Variants in TSNARE1 observed in about 807,000 individuals in gnomAD.
TSNARE1 encodes t-SNARE domain containing 1, also known as t-SNARE domain-containing protein 1.
TSNARE1 carries 49 observed loss-of-function variants against 62.0 expected under a neutral mutation model. That is an observed-to-expected ratio of 0.79 (90% CI 0.63 to 1.00). The LOEUF is 1.00. Ranked by LOEUF, TSNARE1 falls within the 50% of genes least tolerant of loss-of-function variation. The pLI, the probability that TSNARE1 is intolerant of heterozygous loss-of-function variation, is 0.00. For missense variants in TSNARE1, 755 were observed against 700.1 expected (o/e 1.08, Z -0.88); for synonymous variants, 328 against 294.4 (o/e 1.11, Z -1.17).
chr8:142,389,741 A>G (rs1319864598), intron 1 of TSNARE1, among the ~76,000 whole-genome samples: 1 of 152,272 alleles, frequency 6.6e-6, no homozygotes, highest in Non-Finnish European at 1.5e-5. Flanking sequence ...GGAATGTGTC[A>G]TATCATGACT....
At chr8:142,361,981 A>G (rs1835200275) in intron 1 of TSNARE1, among the ~76,000 whole-genome samples, 1 of 152,206 alleles carries the variant, frequency 6.6e-6, no homozygotes, top group Non-Finnish European at 1.5e-5. Flanking sequence ...TGAAACTGCA[A>G]AGTTCAAGAG....
intron 12 of TSNARE1, among the ~76,000 whole-genome samples, chr8:142,252,244 C>T (rs996914791): frequency 2.0e-5 from 3 of 152,188 alleles, no homozygotes; most frequent in African/African-American, 7.2e-5. Context: ...GGTAAACAGA[C>T]GGCTGCTTCA....
intron 1 of TSNARE1, among the ~76,000 whole-genome samples, chr8:142,396,091 A>T (rs1837876328): frequency 6.6e-6 from 1 of 152,018 alleles, no homozygotes; most frequent in South Asian, 2.1e-4. Context: ...CCATGCCCTC[A>T]GAACACTGGC....
chr8:142,380,564 C>T (rs569322036), intron 1 of TSNARE1, among the ~76,000 whole-genome samples: 2 of 151,786 alleles, frequency 1.3e-5, no homozygotes, highest in Admixed American at 6.6e-5. Context: ...CTCACAGCAG[C>T]CCCTCCATGG....
At chr8:142,382,046 C>T (rs1836795664) in intron 1 of TSNARE1, among the ~76,000 whole-genome samples, 1 of 152,168 alleles carries the variant, frequency 6.6e-6, no homozygotes, top group Admixed American at 6.5e-5. Context: ...GGAGGCCTGG[C>T]CGTTCCCAGG....
intron 13 of TSNARE1, among the ~76,000 whole-genome samples, chr8:142,215,287 A>T (rs949614970): frequency 3.3e-4 from 50 of 152,190 alleles, no homozygotes; most frequent in African/African-American, 1.2e-3. Flanking sequence ...CTGCCTGGGG[A>T]TGAGGGTGGG....
chr8:142,256,742 C>G (rs1381188237), intron 12 of TSNARE1, among the ~76,000 whole-genome samples: 2 of 152,200 alleles, frequency 1.3e-5, no homozygotes, highest in African/African-American at 4.8e-5. Context: ...GCAATATGCT[C>G]GAAGTTGCAC....
At chr8:142,235,810 G>A (rs573790146) in intron 12 of TSNARE1, among the ~76,000 whole-genome samples, 6 of 152,206 alleles carry the variant, frequency 3.9e-5, no homozygotes, top group African/African-American at 9.6e-5. Flanking sequence ...GGCCCTGAGC[G>A]TTTCCTCTGT....
chr8:142,257,484 A>T (rs1362795567), intron 12 of TSNARE1, among the ~76,000 whole-genome samples: 1 of 151,948 alleles, frequency 6.6e-6, no homozygotes, highest in East Asian at 1.9e-4. Context: ...AGACTCTGGG[A>T]GCCTCCTCCC....
At chr8:142,216,306 C>A (rs143993904) in intron 13 of TSNARE1, among the ~76,000 whole-genome samples, 1 of 152,030 alleles carries the variant, frequency 6.6e-6, no homozygotes, top group Non-Finnish European at 1.5e-5. Context: ...GATGGGCGGA[C>A]GCTGGTGCAG....
chr8:142,383,054 G>A (rs1836881324), intron 1 of TSNARE1, among the ~76,000 whole-genome samples: 1 of 152,136 alleles, frequency 6.6e-6, no homozygotes, highest in Admixed American at 6.5e-5. Flanking sequence ...AAGGGCACAG[G>A]GACCCACAAC....
chr8:142,381,557 G>A (rs569447769), intron 1 of TSNARE1, among the ~76,000 whole-genome samples: 8 of 152,298 alleles, frequency 5.3e-5, no homozygotes, highest in South Asian at 2.1e-4. Context: ...GGAGCTCAGC[G>A]CCCTTTCTGG....
intron 1 of TSNARE1, among the ~76,000 whole-genome samples, chr8:142,356,311 G>C (rs1040898679): frequency 6.6e-6 from 1 of 152,154 alleles, no homozygotes; most frequent in Non-Finnish European, 1.5e-5. Flanking sequence ...CTCAGGCCTC[G>C]CATCCCAGGT....
In TSNARE1 at chr8:142,321,175, G is replaced by GCTTC. The variant is rs142919822; in HGVS notation, c.894-2542_894-2541insGAAG. Reference sequence around the variant, plus strand: ...GCCACCAGTCAAGGAAGGGCAGCAGGCGGAATGGCACTACAGAGGGGCCAC... The same window carrying GCTTC: ...GCCACCAGTCAAGGAAGGGCAGCAGGCTTCCGGAATGGCACTACAGAGGGGCCAC... On this transcript the variant is annotated intron_variant, in intron 6 of 13. Coordinates refer to ENST00000524325, the MANE Select transcript of TSNARE1 (RefSeq NM_145003.5). Among the ~76,000 whole-genome samples the GCTTC allele has an allele frequency of 8.5e-3, 1,292 of 152,264 alleles. 41 individuals carry two copies. In the East Asian group the frequency reaches 0.12, roughly 14 times the overall value.
chr8:142,395,711 T>A (rs1341564219), intron 1 of TSNARE1, among the ~76,000 whole-genome samples: 1 of 152,204 alleles, frequency 6.6e-6, no homozygotes, highest in Non-Finnish European at 1.5e-5. Context: ...TTCCGCCTCC[T>A]GCGCCCACTC....
In TSNARE1 at chr8:142,318,643, CG is replaced by C. The variant is rs772487497; in HGVS notation, c.894-10del. ...CCTGCTGTGCCGTGTGCCTGGGGGC[CG>C]AGAAGGAGCCAGGAGCGAAGGCAGG... is the stretch of plus-strand genomic sequence containing the variant. On this transcript the variant is annotated splice_polypyrimidine_tract_variant and intron_variant, in intron 6 of 13. Coordinates refer to ENST00000524325, the MANE Select transcript of TSNARE1 (RefSeq NM_145003.5). 6.2e-7 allele frequency: 1 copy of C among 1,613,148 alleles called. No homozygotes were observed. The highest frequency in any genetic ancestry group is 1.1e-5 in the South Asian group (1 of 91,044).
intron 12 of TSNARE1, chr8:142,274,029 GC>G: frequency 1.0e-6 from 1 of 985,304 alleles, no homozygotes; most frequent in Non-Finnish European, 1.2e-6. Context: ...GCCCCAGCTG[GC>G]CCAGGGGCTT....
chr8:142,391,068 G>A (rs1428543783), intron 1 of TSNARE1, among the ~76,000 whole-genome samples: 21 of 121,466 alleles, frequency 1.7e-4, no homozygotes, highest in East Asian at 2.7e-4. Flanking sequence ...TGTACACTGC[G>A]GGGGACTCTA....
intron 11 of TSNARE1, among the ~76,000 whole-genome samples, chr8:142,283,042 G>A (rs1406806503): frequency 6.7e-6 from 1 of 148,444 alleles, no homozygotes. Context: ...AATGAGCAGA[G>A]GCGGGACCAG....
Sources: allele counts gnomAD v4.1 joint callset (sites outside exome capture counted in the v4.1 genomes callset), GRCh38; gene constraint gnomAD v4.1.1; transcripts MANE v1.5; gene names NCBI Gene and HGNC (gene_info 2026-07-23, HGNC 2026-07-21).